CRY1: variants seen among roughly 807,000 people sequenced by gnomAD.
The protein encoded by CRY1 is cryptochrome circadian regulator 1.
CRY1 carries 45 observed loss-of-function variants against 76.0 expected under a neutral mutation model. The ratio of observed to expected loss-of-function variants is 0.59; its 90% CI spans 0.47 to 0.76. The LOEUF is 0.76. Among genes scored for constraint, CRY1 ranks in the 30% least tolerant of loss-of-function variants. The probability of loss-of-function intolerance (pLI) is 0.00; values close to 1 mark genes in which losing one functional copy is unlikely to be tolerated. For missense variants in CRY1, 587 were observed against 716.4 expected (o/e 0.82, Z 2.06); for synonymous variants, 248 against 244.0 (o/e 1.02, Z -0.15).
chr12:107,048,540 T>A (rs997193739), intron 1 of CRY1, among the ~76,000 whole-genome samples: 2 of 152,220 alleles, frequency 1.3e-5, no homozygotes, highest in African/African-American at 4.8e-5. Context: ...TCCTCTCCTT[T>A]TGGGATTTCA....
intron 2 of CRY1, among the ~76,000 whole-genome samples, chr12:107,012,632 C>A (rs1005249486): frequency 6.6e-6 from 1 of 152,170 alleles, no homozygotes; most frequent in African/African-American, 2.4e-5. Context: ...TATTAAGAAA[C>A]ACATTTTGTA....
chr12:107,046,504 A>T (rs1335595974), intron 1 of CRY1, among the ~76,000 whole-genome samples: 1 of 152,178 alleles, frequency 6.6e-6, no homozygotes, highest in Non-Finnish European at 1.5e-5. Flanking sequence ...AAAACAACTA[A>T]CAAAGTGACA....
At chr12:107,045,450 G>C (rs1952838620) in intron 1 of CRY1, among the ~76,000 whole-genome samples, 1 of 152,158 alleles carries the variant, frequency 6.6e-6, no homozygotes, top group Non-Finnish European at 1.5e-5. Context: ...ATGAGGTCAA[G>C]AGATAGAGAC....
At chr12:107,087,923 C>T (rs1953422208) in intron 1 of CRY1, among the ~76,000 whole-genome samples, 1 of 152,070 alleles carries the variant, frequency 6.6e-6, no homozygotes, top group Non-Finnish European at 1.5e-5. Flanking sequence ...CCTGTGGTCC[C>T]AGCTACTTGG....
intron 2 of CRY1, among the ~76,000 whole-genome samples, chr12:107,020,229 G>C (rs118118640): frequency 0.015 from 2,180 of 147,764 alleles, 24 homozygotes; most frequent in Non-Finnish European, 0.02. Context: ...TTGATTCCCA[G>C]CACTGGGGAT....
intron 1 of CRY1, among the ~76,000 whole-genome samples, chr12:107,067,639 T>C (rs1953128879): frequency 6.6e-6 from 1 of 152,160 alleles, no homozygotes; most frequent in Non-Finnish European, 1.5e-5. Flanking sequence ...CTGTGACATC[T>C]GGAAAAGAGG....
Position 107,064,400 on chromosome 12 carries a change from G to A in CRY1, c.158+28404C>T, listed in dbSNP as rs149344959. Among the ~76,000 whole-genome samples the A allele has an allele frequency of 2.4e-3, 365 of 152,212 alleles. 3 individuals are homozygous for A. The highest frequency in any genetic ancestry group is 3.9e-3 in the Non-Finnish European group (267 of 68,014). ...CAAATTAAAACCACAATGAGATGCC[G>A]CCACATACTTATTAGAATGGGAAAG... On this transcript the variant is annotated intron_variant, in intron 1 of 12. Transcript: ENST00000008527.
At chr12:107,080,096 C>G (rs1190648968) in intron 1 of CRY1, among the ~76,000 whole-genome samples, 4 of 152,096 alleles carry the variant, frequency 2.6e-5, no homozygotes, top group Non-Finnish European at 5.9e-5. Context: ...GTACTATAAA[C>G]TCCCTGAGGG....
intron 3 of CRY1, among the ~76,000 whole-genome samples, chr12:107,002,715 T>A (rs1952325547): frequency 6.6e-6 from 1 of 152,220 alleles, no homozygotes; most frequent in South Asian, 2.1e-4. Flanking sequence ...CATCTTGAGT[T>A]GTAACTCCCA....
intron 1 of CRY1, among the ~76,000 whole-genome samples, chr12:107,075,324 A>G: frequency 6.6e-6 from 1 of 152,358 alleles, no homozygotes; most frequent in South Asian, 2.1e-4. Flanking sequence ...GAGAATATAA[A>G]AAGTAAAGTT....
At chr12:107,063,192 C>T (rs1163129709) in intron 1 of CRY1, among the ~76,000 whole-genome samples, 2 of 152,136 alleles carry the variant, frequency 1.3e-5, no homozygotes, top group African/African-American at 4.8e-5. Context: ...ACAAATGGAA[C>T]AGACTTAAAG....
At chr12:107,064,318 T>C (rs547374555) in intron 1 of CRY1, among the ~76,000 whole-genome samples, 1 of 152,194 alleles carries the variant, frequency 6.6e-6, no homozygotes, top group African/African-American at 2.4e-5. Flanking sequence ...AGTAACACAC[T>C]TCACCAAAGA....
In CRY1 at chr12:107,093,253, C is replaced by G. The variant is rs1260813014; in HGVS notation, c.-292G>C. On this transcript the variant is annotated 5_prime_UTR_variant, in exon 1 of 13. Transcript: ENST00000008527. ...AGGCGACGCATAACTTCGAGGGCCT[C>G]GGACCTCCGGAGCCTGAGCAAGTTC... is the stretch of plus-strand genomic sequence containing the variant. 2.9e-6 allele frequency: 1 copy of G among 346,064 alleles called. No individual in the cohort carries two copies. The highest frequency in any genetic ancestry group is 2.1e-5 in the African/African-American group (1 of 47,044). 21.4% of individuals were successfully genotyped at this position (346,064 alleles called of 1,614,324 possible).
Position 107,005,263 on chromosome 12 carries a change from A to T in CRY1, c.268-15T>A. 6.2e-7 allele frequency: 1 copy of T among 1,603,604 alleles called. No individual in the cohort carries two copies. The highest frequency in any genetic ancestry group is 1.3e-5 in the African/African-American group (1 of 74,686). ...ATGTTCCATTCCTAAAGTAAGAGAA[A>T]GGGGAACAATGTACACCAATTGTAA... is the stretch of plus-strand genomic sequence containing the variant. On this transcript the variant is annotated splice_polypyrimidine_tract_variant and intron_variant, in intron 2 of 12. Transcript: ENST00000008527.
At chr12:107,030,362 T>C (rs1205788619) in intron 1 of CRY1, among the ~76,000 whole-genome samples, 1 of 152,166 alleles carries the variant, frequency 6.6e-6, no homozygotes, top group Non-Finnish European at 1.5e-5. Flanking sequence ...AGCAGAAAAT[T>C]TAATCTGGAT....
At chr12:107,066,534 C>T (rs1774247214) in intron 1 of CRY1, among the ~76,000 whole-genome samples, 1 of 151,540 alleles carries the variant, frequency 6.6e-6, no homozygotes, top group African/African-American at 2.4e-5. Context: ...CGGCTCACTG[C>T]AGCCTCGACC....
intron 1 of CRY1, among the ~76,000 whole-genome samples, chr12:107,068,143 A>G (rs114490967): frequency 7.4e-4 from 112 of 152,296 alleles, no homozygotes; most frequent in African/African-American, 2.6e-3. Context: ...CTACAATAGG[A>G]GAGGTGGGTA....
intron 2 of CRY1, among the ~76,000 whole-genome samples, chr12:107,020,804 T>C (rs1402621836): frequency 6.6e-6 from 1 of 152,132 alleles, no homozygotes; most frequent in Non-Finnish European, 1.5e-5. Context: ...TAGGAAGGGA[T>C]GAATACAAAA....
chr12:107,035,617 T>TA (rs1952725294), intron 1 of CRY1, among the ~76,000 whole-genome samples: 1 of 152,148 alleles, frequency 6.6e-6, no homozygotes, highest in South Asian at 2.1e-4. Flanking sequence ...ACTTGAATAA[T>TA]AAAGTGGCAA....
Sources: gnomAD v4.1 joint callset for allele counts (sites outside exome capture counted in the v4.1 genomes callset) on GRCh38, gnomAD v4.1.1 for gene constraint, MANE v1.5 for transcripts, NCBI Gene and HGNC (gene_info 2026-07-23, HGNC 2026-07-21) for gene names.